Variants in EVC2 observed in about 807,000 individuals in gnomAD.
EVC2 encodes the protein EvC ciliary complex subunit 2, also known as limbin.
EVC2 carries 148 observed loss-of-function variants against 149.3 expected under a neutral mutation model. The observed-to-expected ratio is 0.99, with a 90% CI of 0.87 to 1.14. EVC2 has a LOEUF of 1.14. Among genes scored for constraint, EVC2 ranks in the 50% most tolerant of loss-of-function variants. The pLI is 0.00. For missense variants in EVC2, 1,854 were observed against 1,627.3 expected (o/e 1.14, Z -2.40); for synonymous variants, 776 against 649.9 (o/e 1.19, Z -2.95).
the EVC2 span, among the ~76,000 whole-genome samples, chr4:5,531,553 C>G: frequency 6.6e-6 from 1 of 152,134 alleles, no homozygotes; most frequent in African/African-American, 2.4e-5. Flanking sequence ...ACTGTGTGAG[C>G]TCTGCCTGCT....
Position 5,637,435 on chromosome 4 carries a change from T to C in EVC2, c.1470+3079A>G, listed in dbSNP as rs1487655718. 1.3e-5 allele frequency among the ~76,000 whole-genome samples: 2 copies of C among 152,050 alleles called. No homozygotes were observed. The highest frequency in any genetic ancestry group is 2.9e-5 in the Non-Finnish European group (2 of 68,004). On this transcript the variant is annotated intron_variant, in intron 10 of 21. Coordinates refer to ENST00000344408, the MANE Select transcript of EVC2 (RefSeq NM_147127.5). This position sits in a 1 kb window ranked among gnomAD's most constrained non-coding sequence, Gnocchi z 4.4. ...TCCTCTCAGTCCCTACCTCACTGAG[T>C]TGTTGTGAACGCTAAAGAGAGTCAA...
At position 5,708,238 on chromosome 4, in the gene EVC2, G is replaced by C. The variant is rs1200509576; in HGVS notation, c.228+48C>G. The C allele has an allele frequency of 3.5e-6, 5 of 1,431,186 alleles. No individual in the cohort carries two copies. In the East Asian group the frequency reaches 1.1e-4, roughly 33 times the overall value. The allele number at this position is 1,431,186 out of a possible 1,614,324, so 88.7% of individuals were successfully genotyped here. A position where few individuals can be genotyped will look rare whatever the true frequency, so the allele number is the denominator to read the frequency against. ...CCCTGCCACCGCCGGTGTAGACAAA[G>C]TCAAACCACTACAGTCAGACCGGAG... is the stretch of plus-strand genomic sequence containing the variant. On this transcript the variant is annotated intron_variant, in intron 1 of 21. Transcript: ENST00000344408.
intron 9 of EVC2, among the ~76,000 whole-genome samples, chr4:5,653,988 C>A (rs569765076): frequency 6.6e-6 from 1 of 152,048 alleles, no homozygotes; most frequent in Non-Finnish European, 1.5e-5. Flanking sequence ...CCGAGGCAGG[C>A]GGATCACCTG....
At position 5,640,891 on chromosome 4, in the gene EVC2, C is replaced by T; in HGVS notation, c.1146-53G>A. On this transcript the variant is annotated intron_variant, in intron 9 of 21. Coordinates refer to ENST00000344408, the MANE Select transcript of EVC2 (RefSeq NM_147127.5). This position sits in a 1 kb window ranked among gnomAD's most constrained non-coding sequence, Gnocchi z 4.6. The stretch of plus-strand genomic sequence containing the variant: ...CCATTACATGAAATTGCAACAGAAA[C>T]CAAAGGTCTTTCAAAGCTCTGAGGT... 1 of 1,601,426 alleles carries T rather than the reference C, an allele frequency of 6.2e-7. No individual in the cohort carries two copies. Among genetic ancestry groups the T allele is most frequent in the Non-Finnish European group, 8.6e-7 (1 of 1,169,504 alleles).
chr4:5,628,274 G>A (rs1716263671), intron 12 of EVC2, among the ~76,000 whole-genome samples: 1 of 151,948 alleles, frequency 6.6e-6, no homozygotes, highest in Non-Finnish European at 1.5e-5. Context: ...ATTAGGTCAT[G>A]AGGGATCCAC....
chr4:5,585,252 C>A (rs148952909), intron 16 of EVC2, among the ~76,000 whole-genome samples: 148 of 152,304 alleles, frequency 9.7e-4, no homozygotes, highest in African/African-American at 3.4e-3. Context: ...GCCCCTACCC[C>A]ACTCACACAT....
intron 7 of EVC2, among the ~76,000 whole-genome samples, chr4:5,673,847 G>A (rs958398550): frequency 2.0e-5 from 3 of 152,204 alleles, no homozygotes; most frequent in African/African-American, 7.2e-5. Flanking sequence ...ATGTGAACAT[G>A]TTAGCAATGG....
intron 16 of EVC2, among the ~76,000 whole-genome samples, chr4:5,604,902 T>A: frequency 6.6e-6 from 1 of 151,836 alleles, no homozygotes; most frequent in Non-Finnish European, 1.5e-5. Flanking sequence ...CTCCTTCAAC[T>A]CTTCCACCTC....
At position 5,636,789 on chromosome 4, in the gene EVC2, A is replaced by T. The variant is rs4616692; in HGVS notation, c.1470+3725T>A. On this transcript the variant is annotated intron_variant, in intron 10 of 21. Transcript: ENST00000344408. This position sits in a 1 kb window ranked among gnomAD's most constrained non-coding sequence, Gnocchi z 4.6. The stretch of plus-strand genomic sequence containing the variant: ...CTTTTTTAAAACTAATTCTTGGTGG[A>T]ATAATACATCCAAAATATTTTTATG... 0.032 allele frequency among the ~76,000 whole-genome samples: 4,831 copies of T among 152,248 alleles called. 231 individuals carry two copies. Among genetic ancestry groups the T allele is most frequent in the African/African-American group, 0.11 (4,508 of 41,506 alleles).
At chr4:5,676,191 AGACAG>A (rs1719979741) in intron 7 of EVC2, among the ~76,000 whole-genome samples, 1 of 152,296 alleles carries the variant, frequency 6.6e-6, no homozygotes, top group East Asian at 1.9e-4. Context: ...TCTCTCAAAA[AGACAG>A]TACTCTCATC....
At chr4:5,662,408 A>T (rs892761075) in intron 9 of EVC2, among the ~76,000 whole-genome samples, 37 of 111,536 alleles carry the variant, frequency 3.3e-4, no homozygotes, top group African/African-American at 9.7e-4. Context: ...AAAAATAAAT[A>T]AAAAAATTGT....
chr4:5,700,460 G>A (rs565113519), intron 1 of EVC2, among the ~76,000 whole-genome samples: 1 of 152,240 alleles, frequency 6.6e-6, no homozygotes, highest in African/African-American at 2.4e-5. Context: ...CTGTGCTAGG[G>A]ATCACATGTC....
At chr4:5,708,665 C>T (rs1276543926), upstream of EVC2, 6 of 542,776 alleles carry the variant, frequency 1.1e-5, no homozygotes, top group South Asian at 3.6e-5. Context: ...GCTTGGCGGG[C>T]CAGGAGGTGC....
At position 5,682,815 on chromosome 4, in the gene EVC2, C is replaced by T. The variant is rs964046273; in HGVS notation, c.817-1502G>A. Among the ~76,000 whole-genome samples, 17 of 149,304 alleles carry T rather than the reference C, an allele frequency of 1.1e-4. No individual in the cohort carries two copies. In the East Asian group the frequency reaches 1.8e-3, roughly 16 times the overall value. ...CGGAGGTTGCAGTGAGCCCAGACTGCGCCATTACACTCCAGCCTGGGCGAC... is the reference window on the plus strand; with the variant it reads ...CGGAGGTTGCAGTGAGCCCAGACTGTGCCATTACACTCCAGCCTGGGCGAC... On this transcript the variant is annotated intron_variant, in intron 6 of 21. Coordinates refer to ENST00000344408, the MANE Select transcript of EVC2 (RefSeq NM_147127.5).
At chr4:5,555,022 G>A (rs1014443799) in intron 21 of EVC2, among the ~76,000 whole-genome samples, 422 of 56,306 alleles carry the variant, frequency 7.5e-3, no homozygotes, top group African/African-American at 0.035. Flanking sequence ...GGAAGCGTGT[G>A]TGTGTGTGTG....
intron 16 of EVC2, among the ~76,000 whole-genome samples, chr4:5,590,386 C>T (rs1712681049): frequency 6.6e-6 from 1 of 152,104 alleles, no homozygotes; most frequent in Non-Finnish European, 1.5e-5. Context: ...GCCAAGGAGA[C>T]CCCAGAAAAA....
In EVC2 at chr4:5,618,698, G is replaced by T; in HGVS notation, c.2502-16C>A. On this transcript the variant is annotated splice_polypyrimidine_tract_variant and intron_variant, in intron 14 of 21. Coordinates refer to ENST00000344408, the MANE Select transcript of EVC2 (RefSeq NM_147127.5). The surrounding 1 kb of genome is among the most constrained non-coding windows in gnomAD (Gnocchi z 4.4). ...GCAGAGCTTCCTGGGAGGAAGAACA[G>T]AGACACACTCTTAACACAGAGAAAG... 3 of 1,574,542 alleles carry T rather than the reference G, an allele frequency of 1.9e-6. No homozygotes were observed. The highest frequency in any genetic ancestry group is 2.6e-6 in the Non-Finnish European group (3 of 1,159,342).
At chr4:5,530,587 A>G in the EVC2 span, among the ~76,000 whole-genome samples, 1 of 152,122 alleles carries the variant, frequency 6.6e-6, no homozygotes, top group Non-Finnish European at 1.5e-5. Context: ...TTCAGCATAC[A>G]ATACAATATT....
At position 5,618,035 on chromosome 4, in the gene EVC2, G is replaced by A. The variant is rs1277465502; in HGVS notation, c.2706+443C>T. Reference sequence around the variant, plus strand: ...ACCAGTCATCATCCTTTAAGACCCTGTGCAAGAGCCCCTCTTTCCCTGACC... The same window carrying A: ...ACCAGTCATCATCCTTTAAGACCCTATGCAAGAGCCCCTCTTTCCCTGACC... On this transcript the variant is annotated intron_variant, in intron 15 of 21. Transcript: ENST00000344408. This position sits in a 1 kb window ranked among gnomAD's most constrained non-coding sequence, Gnocchi z 4.4. Among the ~76,000 whole-genome samples, 1 of 152,150 alleles carries A rather than the reference G, an allele frequency of 6.6e-6. No homozygotes were observed. The highest frequency in any genetic ancestry group is 1.5e-5 in the Non-Finnish European group (1 of 68,034).
Sources: allele counts gnomAD v4.1 joint callset (sites outside exome capture counted in the v4.1 genomes callset), GRCh38; gene constraint gnomAD v4.1.1; non-coding constraint Gnocchi (gnomAD v3.1); transcripts MANE v1.5; gene names NCBI Gene and HGNC (gene_info 2026-07-23, HGNC 2026-07-21).